TTN: variants seen among roughly 807,000 people sequenced by gnomAD.
TTN encodes the protein titin.
In TTN, 1,525 loss-of-function variants were observed where a neutral mutation model predicts 3,223.0. The observed-to-expected ratio is 0.47, with a 90% confidence interval of 0.45 to 0.49. The LOEUF (loss-of-function observed/expected upper bound fraction) is 0.49, where lower values mean the gene tolerates loss of function less well. Ranked by LOEUF, TTN falls within the 20% of genes least tolerant of loss-of-function variation. The probability of loss-of-function intolerance (pLI) is 0.00; values close to 1 mark genes in which losing one functional copy is unlikely to be tolerated. For synonymous variants in TTN, 14,094 were observed against 15,161.0 expected, an observed-to-expected ratio of 0.93 and a Z score of 5.17; for missense variants, 40,786 against 43,424.0, an observed-to-expected ratio of 0.94 and a Z score of 5.40.
At chr2:178,558,268 A>T in intron 327 of TTN, 33 bp from the exon 328 acceptor site, 1 of 1,590,100 alleles carries the variant, frequency 6.3e-7, no homozygotes, top group Non-Finnish European at 8.5e-7. Context: ...GAAAGTGAAA[A>T]AGTGTTTCTG....
At position 178,615,754 on chromosome 2, in the gene TTN, A is replaced by G; in HGVS notation, c.48347T>C (p.Val16116Ala). 1.2e-6 allele frequency: 2 copies of G among 1,612,038 alleles called. No individual in the cohort carries two copies. Among genetic ancestry groups the G allele is most frequent in the Non-Finnish European group, 8.5e-7 (1 of 1,178,742 alleles). The change falls in exon 258 of 363, where the codon GTT (valine) becomes GCT (alanine). Residue 16116 changes from valine to alanine, a missense_variant. Coordinates refer to ENST00000589042, the MANE Select transcript of TTN (RefSeq NM_001267550.2). Reference sequence around the variant, plus strand: ...CTCTTTTCCTTGAACAAGATCAGGAACTGTGAATTCTAGATCAGTCACAAA... The same window carrying G: ...CTCTTTTCCTTGAACAAGATCAGGAGCTGTGAATTCTAGATCAGTCACAAA... ...MDFVTDLEFT[V>A]PDLVQGKEYL...
Position 178,741,279 on chromosome 2 carries a change from G to A in TTN, c.11954C>T (p.Thr3985Ile). 1 of 1,613,904 alleles carries A rather than the reference G, an allele frequency of 6.2e-7. No individual in the cohort carries two copies. The highest frequency in any genetic ancestry group is 8.5e-7 in the Non-Finnish European group (1 of 1,179,848). ...AGAGCCATTAGGGTTATGAATGATA[G>A]TGTAATAAACACTGGTGCAAAGCTG... ...NKQLCTSVYY[T>I]IIHNPNGSGT... Residue 3985 changes from threonine to isoleucine, a missense_variant, in exon 48 of 363, where the codon ACT becomes ATT. Transcript: ENST00000589042.
At position 178,653,297 on chromosome 2, in the gene TTN, A is replaced by G; in HGVS notation, c.38732T>C (p.Val12911Ala). The part of the protein sequence containing the change: ...VTVPEAPKEV[V>A]LEKKVPLAPP... ...AGCCAAGGGCACTTTCTTTTCAAGGACAACTTCTTTGGGAGCCTCTGGCAC... is the reference window on the plus strand; with the variant it reads ...AGCCAAGGGCACTTTCTTTTCAAGGGCAACTTCTTTGGGAGCCTCTGGCAC... The change falls in exon 198 of 363, where the codon GTC becomes GCC. Residue 12911 changes from valine to alanine, a missense_variant. Val to Ala is a moderately conservative substitution (Grantham distance 64). Transcript: ENST00000589042. 1 of 1,612,710 alleles carries G rather than the reference A, an allele frequency of 6.2e-7. No homozygotes were observed. Among genetic ancestry groups the G allele is most frequent in the African/African-American group, 1.3e-5 (1 of 75,016 alleles).
rs1455641988 is a variant in TTN, at chr2:178,770,475, C to T, written c.8317G>A (p.Asp2773Asn). 5 of 1,614,020 alleles carry T rather than the reference C, an allele frequency of 3.1e-6. No individual in the cohort carries two copies. The highest frequency in any genetic ancestry group is 1.6e-4 in the Middle Eastern group (1 of 6,084). ...AGCCTGAAGCCATAAACAGACTCAT[C>T]CACGATGGCACAGTTTTTAATCCTC... is the stretch of plus-strand genomic sequence containing the variant. ...SLRIKNCAIVDESVYGFRLGR... is the reference protein window; with the variant it reads ...SLRIKNCAIVNESVYGFRLGR... The change falls in exon 35 of 363, where the codon GAT becomes AAT. Residue 2773 changes from aspartate (D) to asparagine (N), a missense_variant. By Grantham distance (23) the Asp-to-Asn change is conservative. Coordinates refer to ENST00000589042, the MANE Select transcript of TTN (RefSeq NM_001267550.2).
chr2:178,641,546 A>AG, intron 219 of TTN: 1 of 308,444 alleles, frequency 3.2e-6, no homozygotes, highest in Non-Finnish European at 5.9e-6. Context: ...ATCTAGATAG[A>AG]GGGTCTATTC....
intron 241 of TTN, 45 bp from the exon 242 acceptor site, chr2:178,624,776 C>T: frequency 6.2e-7 from 1 of 1,600,414 alleles, no homozygotes; most frequent in Non-Finnish European, 8.5e-7. Flanking sequence ...TTTCCTTCTC[C>T]AAGAGTTTTG....
In TTN at chr2:178,688,662, C is replaced by A. The variant is rs377757502; in HGVS notation, c.32197+15G>T. The A allele has an allele frequency of 5.1e-6, 8 of 1,583,592 alleles. No homozygotes were observed. The highest frequency in any genetic ancestry group is 1.7e-4 in the Middle Eastern group (1 of 6,016). The stretch of plus-strand genomic sequence containing the variant: ...ACACACAAACTCATTTATCCCCTGA[C>A]TTCCGATTATATACCTTCGTGCCGC... On this transcript the variant is annotated intron_variant, in intron 126 of 362. Transcript: ENST00000589042.
chr2:178,775,320 AAGAC>A, intron 28 of TTN, 32 bp downstream of exon 28: 1 of 1,613,106 alleles, frequency 6.2e-7, no homozygotes, highest in Non-Finnish European at 8.5e-7. Context: ...CTTGAATACA[AAGAC>A]AGGTCCATCA....
chr2:178,610,504 G>C, intron 270 of TTN, 115 bp from the exon 271 acceptor site: 1 of 1,129,116 alleles, frequency 8.9e-7, no homozygotes, highest in Non-Finnish European at 1.3e-6. Context: ...TTGATGTGCT[G>C]GAGTGTCATT....
Position 178,612,337 on chromosome 2 carries a change from C to T in TTN, c.50188G>A (p.Ala16730Thr). Residue 16730 changes from alanine (A) to threonine (T), a missense_variant, in exon 266 of 363, where the codon GCT becomes ACT. Ala to Thr is a moderately conservative substitution (Grantham distance 58, BLOSUM62 0). Transcript: ENST00000589042. ...TCGGTGTAGTCGCTTTGTCCTATAG[C>T]ATTTTCTGCAGCAACTCGGAACACA... is the stretch of plus-strand genomic sequence containing the variant. The part of the protein sequence containing the change: ...LYVFRVAAEN[A>T]IGQSDYTEIE... The T allele has an allele frequency of 3.1e-6, 5 of 1,612,554 alleles. No individual in the cohort carries two copies. The highest frequency in any genetic ancestry group is 4.2e-6 in the Non-Finnish European group (5 of 1,179,178).
Position 178,568,993 on chromosome 2 carries a change from G to A in TTN, c.77139C>T (p.Asn25713=). ...GKITVDDVTR[N]SVSLSWTKPE... The stretch of plus-strand genomic sequence containing the variant: ...GTTTTGTCCAACTCAGAGAGACACT[G>A]TTTCTGGTGACATCATCCACAGTTA... The change falls in exon 326 of 363, where the codon AAC becomes AAT. Residue 25713 remains asparagine (N), a synonymous_variant. Coordinates refer to ENST00000589042, the MANE Select transcript of TTN (RefSeq NM_001267550.2). 1 of 1,613,366 alleles carries A rather than the reference G, an allele frequency of 6.2e-7. No individual in the cohort carries two copies. Among genetic ancestry groups the A allele is most frequent in the South Asian group, 1.1e-5 (1 of 91,046 alleles).
At chr2:178,773,804 A>C (rs1224407596) in intron 31 of TTN, 34 bp downstream of exon 31, 1 of 1,614,016 alleles carries the variant, frequency 6.2e-7, no homozygotes, top group African/African-American at 1.3e-5. Flanking sequence ...GTTGCTTAAT[A>C]GTGTAAACAT....
Position 178,607,498 on chromosome 2 carries a change from A to G in TTN, c.53190T>C (p.Ile17730=), listed in dbSNP as rs1559738127. ...GGTCTTTTCGCAGTGCATCCTTGAT[A>G]ATTAGTTCAGATTTGGTTCCAACGT... ...IDNVGTKSEL[I]IKDALRKDHG... The change falls in exon 277 of 363, where the codon ATT becomes ATC. Residue 17730 remains isoleucine (I), a synonymous_variant. Coordinates refer to ENST00000589042, the MANE Select transcript of TTN (RefSeq NM_001267550.2). The G allele has an allele frequency of 6.2e-7, 1 of 1,613,248 alleles. No homozygotes were observed.
At position 178,531,778 on chromosome 2, in the gene TTN, A is replaced by C. The variant is rs1185207035; in HGVS notation, c.104837T>G (p.Leu34946Arg). The C allele has an allele frequency of 1.9e-6, 3 of 1,613,992 alleles. No individual in the cohort carries two copies. The highest frequency in any genetic ancestry group is 8.5e-7 in the Non-Finnish European group (1 of 1,179,876). Reference protein sequence around the residue: ...FTLDHAPRITLRMRSHRVPCG... With the variant: ...FTLDHAPRITRRMRSHRVPCG... ...TGGTACCCTGTGCGAGCGCATTCTCAGTGTGATTCGAGGGGCATGGTCCAG... is the reference window on the plus strand; with the variant it reads ...TGGTACCCTGTGCGAGCGCATTCTCCGTGTGATTCGAGGGGCATGGTCCAG... Residue 34946 changes from leucine (L) to arginine (R), a missense_variant, in exon 358 of 363, where the codon CTG (leucine) becomes CGG (arginine). Transcript: ENST00000589042.
At position 178,679,976 on chromosome 2, in the gene TTN, A is replaced by G. The variant is rs886038884; in HGVS notation, c.33498T>C (p.Leu11166=). ...EEVVTHVEEY[L]VEEEEEYIHE... is the part of the protein sequence containing the mutation. ...GAATGTACTCTTCTTCTTCTTCTAC[A>G]AGATATTCTTCTACATGGGTTACAA... The change falls in exon 140 of 363, where the codon CTT becomes CTC. Residue 11166 remains leucine, a synonymous_variant. Transcript: ENST00000589042. The G allele has an allele frequency of 6.2e-7, 1 of 1,610,674 alleles. No homozygotes were observed. The highest frequency in any genetic ancestry group is 1.3e-5 in the African/African-American group (1 of 74,792).
intron 298 of TTN, 44 bp downstream of exon 298, chr2:178,593,524 G>A: frequency 6.3e-7 from 1 of 1,598,386 alleles, no homozygotes. Context: ...CTTTATATTA[G>A]TTTTATCAAG....
chr2:178,563,318 T>C lies in TTN; in HGVS notation c.82814A>G (p.Tyr27605Cys), dbSNP rs753352392. ...AGCAGCTTCTTTGACCTCTACAACA[T>C]AGCCTTTAACAGGTGCGCCACCATC... Reference protein sequence around the residue: ...IYDGGAPVKGYVVEVKEAAAD... With the variant: ...IYDGGAPVKGCVVEVKEAAAD... Residue 27605 changes from tyrosine (Y) to cysteine (C), a missense_variant, in exon 326 of 363, where the codon TAT (tyrosine) becomes TGT (cysteine). Tyr to Cys is a radical substitution (Grantham distance 194). Coordinates refer to ENST00000589042, the MANE Select transcript of TTN (RefSeq NM_001267550.2). The surrounding 1 kb of genome is among the most constrained non-coding windows in gnomAD (Gnocchi z 4.5). 4 of 1,613,644 alleles carry C rather than the reference T, an allele frequency of 2.5e-6. No individual in the cohort carries two copies. The highest frequency in any genetic ancestry group is 4.5e-5 in the East Asian group (2 of 44,780).
Position 178,537,506 on chromosome 2 carries a change from T to C in TTN, c.99701A>G (p.Gln33234Arg). The C allele has an allele frequency of 6.2e-7, 1 of 1,613,756 alleles. No homozygotes were observed. Among genetic ancestry groups the C allele is most frequent in the Non-Finnish European group, 8.5e-7 (1 of 1,179,730 alleles). The part of the protein sequence containing the change: ...PVPAMTWFHG[Q>R]KLLQNSENIT... ...GTTTTCTGAGTTTTGCAAAAGTTTC[T>C]GACCATGGAACCAAGTCATGGCAGG... is the stretch of plus-strand genomic sequence containing the variant. Residue 33234 changes from glutamine (Q) to arginine (R), a missense_variant, in exon 355 of 363, where the codon CAG becomes CGG. Gln to Arg is a conservative substitution (Grantham distance 43, BLOSUM62 1). Coordinates refer to ENST00000589042, the MANE Select transcript of TTN (RefSeq NM_001267550.2).
chr2:178,544,628 C>A (rs2154144423), intron 344 of TTN, 122 bp from the exon 345 acceptor site: 2 of 745,476 alleles, frequency 2.7e-6, no homozygotes, highest in African/African-American at 1.7e-5. Flanking sequence ...CCAAGATAAT[C>A]TTTATTAACT....
Sources: gnomAD v4.1 joint callset for allele counts on GRCh38, gnomAD v4.1.1 for gene constraint, Gnocchi (gnomAD v3.1) non-coding constraint, MANE v1.5 for transcripts, NCBI Gene and HGNC (gene_info 2026-07-23, HGNC 2026-07-21) for gene names.